SPTLC2: variants seen among roughly 807,000 people sequenced by gnomAD.
The protein encoded by SPTLC2 is serine palmitoyltransferase long chain base subunit 2, also known as serine palmitoyltransferase 2.
Under a neutral mutation model 62.0 loss-of-function variants are expected in SPTLC2, and 21 were observed. The ratio of observed to expected loss-of-function variants is 0.34; its 90% CI spans 0.24 to 0.49. The LOEUF is 0.49. Among genes scored for constraint, SPTLC2 ranks in the 20% least tolerant of loss-of-function variants. The pLI is 0.99. For missense variants in SPTLC2, 511 were observed against 713.0 expected, an observed-to-expected ratio of 0.72 and a Z score of 3.23; for synonymous variants, 261 against 261.8, an observed-to-expected ratio of 1.00 and a Z score of 0.03.
At chr14:77,568,830 G>A (rs1687182880) in intron 5 of SPTLC2, among the ~76,000 whole-genome samples, 2 of 150,016 alleles carry the variant, frequency 1.3e-5, no homozygotes, top group South Asian at 4.2e-4. Flanking sequence ...AAAAAAGAGA[G>A]AGGGGTTAAT....
chr14:77,559,843 G>A (rs1360277459), intron 6 of SPTLC2, among the ~76,000 whole-genome samples: 1 of 151,802 alleles, frequency 6.6e-6, no homozygotes, highest in Non-Finnish European at 1.5e-5. Flanking sequence ...GTGAGTTGTG[G>A]TTCTGCTACT....
At position 77,563,127 on chromosome 14, in the gene SPTLC2, G is replaced by A. The variant is rs563416738; in HGVS notation, c.757-638C>T. Among the ~76,000 whole-genome samples the A allele has an allele frequency of 3.9e-5, 6 of 151,918 alleles. No homozygotes were observed. In the South Asian group the frequency reaches 1.0e-3, roughly 26 times the overall value. ...CAGTTCTTACTCTTCCATCTCTCAG[G>A]GGGCCCTTCAACCTGTCAGATCTCA... is the stretch of plus-strand genomic sequence containing the variant. On this transcript the variant is annotated intron_variant, in intron 5 of 11. Coordinates refer to ENST00000216484, the MANE Select transcript of SPTLC2 (RefSeq NM_004863.4).
chr14:77,601,403 C>T (rs1462941725), intron 1 of SPTLC2, among the ~76,000 whole-genome samples: 1 of 152,204 alleles, frequency 6.6e-6, no homozygotes, highest in Non-Finnish European at 1.5e-5. Flanking sequence ...GCCTGCAAAA[C>T]ATTGCTCCTA....
chr14:77,546,958 G>A (rs755985705), intron 9 of SPTLC2, among the ~76,000 whole-genome samples: 3 of 152,056 alleles, frequency 2.0e-5, no homozygotes, highest in Non-Finnish European at 2.9e-5. Flanking sequence ...TTGAATTCCC[G>A]ACCTCAGGTG....
chr14:77,590,899 C>G (rs1389645461), intron 2 of SPTLC2, among the ~76,000 whole-genome samples: 1 of 152,048 alleles, frequency 6.6e-6, no homozygotes, highest in African/African-American at 2.4e-5. Context: ...GAAAAGCTTT[C>G]CTGGCATGAA....
intron 10 of SPTLC2, among the ~76,000 whole-genome samples, chr14:77,520,861 T>C (rs1318888902): frequency 6.6e-6 from 1 of 152,196 alleles, no homozygotes; most frequent in Non-Finnish European, 1.5e-5. Context: ...GTGCTCCAAT[T>C]CCAGGGACCT....
intron 7 of SPTLC2, 101 bp from the exon 8 acceptor site, chr14:77,555,620 C>CTT: frequency 2.7e-5 from 28 of 1,038,666 alleles, no homozygotes; most frequent in Non-Finnish European, 3.4e-5. Flanking sequence ...TTTACTGCTT[C>CTT]TTTTTTTTTT....
At chr14:77,575,964 G>A (rs12433198) in intron 4 of SPTLC2, among the ~76,000 whole-genome samples, 11,699 of 152,230 alleles carry the variant, frequency 0.077, 596 homozygotes, top group Admixed American at 0.15. Context: ...TCCAGCCACC[G>A]CAGCCTAGGT....
At chr14:77,581,719 C>A (rs1180300832) in intron 2 of SPTLC2, among the ~76,000 whole-genome samples, 4 of 152,046 alleles carry the variant, frequency 2.6e-5, no homozygotes, top group Non-Finnish European at 4.4e-5. Flanking sequence ...GCCACCATCT[C>A]TTTTACAACT....
Position 77,555,480 on chromosome 14 carries a change from G to A in SPTLC2, c.996C>T (p.Ala332=), listed in dbSNP as rs757660579. Residue 332 remains alanine (A), a synonymous_variant, in exon 8 of 12, where the codon GCC becomes GCT. Coordinates refer to ENST00000216484, the MANE Select transcript of SPTLC2 (RefSeq NM_004863.4). ...GSIVRLPEVI[A]LKKKYKAYLY... ...AGTATGCCTTGTATTTCTTCTTGAGGGCAATCACTTCAGGAAGACGAACAA... is the reference window on the plus strand; with the variant it reads ...AGTATGCCTTGTATTTCTTCTTGAGAGCAATCACTTCAGGAAGACGAACAA... 5.6e-6 allele frequency: 9 copies of A among 1,613,950 alleles called. No homozygotes were observed. In the African/African-American group the frequency reaches 9.4e-5, roughly 17 times the overall value.
intron 9 of SPTLC2, among the ~76,000 whole-genome samples, chr14:77,526,642 G>A (rs2079410423): frequency 1.3e-5 from 2 of 151,652 alleles, no homozygotes. Flanking sequence ...AAGAGACAGA[G>A]AAAAGTAAAT....
chr14:77,512,186 T>G lies in SPTLC2; in HGVS notation c.*98A>C. ...AGTAGCTGAGGCAATGTCTTTCACG[T>G]GAGATGGCCACAGAAGTGTGGTTCC... On this transcript the variant is annotated 3_prime_UTR_variant, in exon 12 of 12. Coordinates refer to ENST00000216484, the MANE Select transcript of SPTLC2 (RefSeq NM_004863.4). 6.4e-4 allele frequency: 991 copies of G among 1,549,082 alleles called. No homozygotes were observed. The highest frequency in any genetic ancestry group is 8.2e-4 in the Non-Finnish European group (918 of 1,124,106).
At chr14:77,591,166 C>A (rs1056643351) in intron 2 of SPTLC2, among the ~76,000 whole-genome samples, 9 of 152,206 alleles carry the variant, frequency 5.9e-5, no homozygotes, top group African/African-American at 2.2e-4. Context: ...ATACATGCTA[C>A]AACATGAACT....
At position 77,570,589 on chromosome 14, in the gene SPTLC2, A is replaced by T. The variant is rs575515883; in HGVS notation, c.632-81T>A. The T allele has an allele frequency of 7.9e-5, 124 of 1,570,680 alleles. 1 individual carries two copies. The highest frequency in any genetic ancestry group is 7.3e-4 in the South Asian group (65 of 89,390). On this transcript the variant is annotated intron_variant, in intron 4 of 11. Transcript: ENST00000216484. ...TCATCACTTTATTAAAAGAAATCAT[A>T]GTATATGTGTTGTGTCCTTTTCAGA...
At chr14:77,614,733 G>A (rs1157040105) in intron 1 of SPTLC2, among the ~76,000 whole-genome samples, 2 of 150,940 alleles carry the variant, frequency 1.3e-5, no homozygotes, top group Non-Finnish European at 2.9e-5. Context: ...CACTTTTGGA[G>A]GCCAAGGCAG....
intron 1 of SPTLC2, among the ~76,000 whole-genome samples, chr14:77,616,040 C>T (rs74065529): frequency 1.2e-4 from 18 of 152,302 alleles, no homozygotes; most frequent in African/African-American, 3.1e-4. Flanking sequence ...TTTCTTTGGA[C>T]GACTGCAGGA....
At chr14:77,601,391 C>T (rs1209525292) in intron 1 of SPTLC2, among the ~76,000 whole-genome samples, 1 of 152,198 alleles carries the variant, frequency 6.6e-6, no homozygotes, top group African/African-American at 2.4e-5. Flanking sequence ...GATCCACCCG[C>T]TGCCTGCAAA....
At chr14:77,574,312 G>A (rs1437238338) in intron 4 of SPTLC2, among the ~76,000 whole-genome samples, 2 of 152,160 alleles carry the variant, frequency 1.3e-5, no homozygotes, top group African/African-American at 4.8e-5. Context: ...AGGTAGCAAA[G>A]TAATCAAGGG....
rs775399119 is a variant in SPTLC2, at chr14:77,597,288, A to C, written c.225T>G (p.Tyr75Ter). 1 of 1,614,200 alleles carries C rather than the reference A, an allele frequency of 6.2e-7. No homozygotes were observed. Among genetic ancestry groups the C allele is most frequent in the South Asian group, 1.1e-5 (1 of 91,086 alleles). The change falls in exon 2 of 12, where the codon TAT becomes TAG. Residue 75 changes from tyrosine (Y) to a stop codon, truncating the protein, a stop_gained. Transcript: ENST00000216484. LOFTEE classifies it high-confidence loss of function. ...AGAGGGTGAGTACGCCATACCCCAC[A>C]TACGTGAGCACAGCAACCAGCATTG... ...ETPMLVAVLT[Y>*]VGYGVLTLFG... is the part of the protein sequence containing the mutation.
Sources: allele counts gnomAD v4.1 joint callset (sites outside exome capture counted in the v4.1 genomes callset), GRCh38; gene constraint gnomAD v4.1.1; transcripts MANE v1.5; gene names NCBI Gene and HGNC (gene_info 2026-07-23, HGNC 2026-07-21).